Variants in GPC5 observed in about 807,000 individuals in gnomAD.
GPC5 encodes the protein glypican-5.
GPC5 carries 47 observed loss-of-function variants against 53.9 expected under a neutral mutation model. The observed-to-expected ratio is 0.87, with a 90% confidence interval of 0.69 to 1.11. The LOEUF is 1.11. GPC5 is among the 50% of genes most tolerant of loss of function. The pLI is 0.00. For synonymous variants in GPC5, 286 were observed against 263.3 expected, an observed-to-expected ratio of 1.09 and a Z score of -0.84; for missense variants, 748 against 713.1, an observed-to-expected ratio of 1.05 and a Z score of -0.56.
chr13:91,635,594 A>G (rs2034266557), intron 2 of GPC5, among the ~76,000 whole-genome samples: 1 of 152,046 alleles, frequency 6.6e-6, no homozygotes, highest in Admixed American at 6.6e-5. Context: ...TGTCTTTATT[A>G]TTATATTATG....
intron 2 of GPC5, among the ~76,000 whole-genome samples, chr13:91,649,701 T>C (rs919470189): frequency 6.6e-6 from 1 of 152,194 alleles, no homozygotes; most frequent in African/African-American, 2.4e-5. Context: ...TTTGTTTACC[T>C]GAGTTATAGC....
intron 5 of GPC5, among the ~76,000 whole-genome samples, chr13:91,794,764 G>C (rs1307364175): frequency 6.6e-6 from 1 of 152,202 alleles, no homozygotes; most frequent in East Asian, 1.9e-4. Flanking sequence ...CTCAAACAGT[G>C]CAGTGGGCTA....
At position 91,476,635 on chromosome 13, in the gene GPC5, C is replaced by T. The variant is rs536680314; in HGVS notation, c.325+27713C>T. Among the ~76,000 whole-genome samples the T allele has an allele frequency of 6.6e-5, 10 of 152,078 alleles. No homozygotes were observed. The East Asian group carries it at 1.4e-3, about 21-fold the overall frequency. ...GTAACAATTTGCAGACAATAAGGTC[C>T]GTAAAAGGTATGCTCAGGGAATTAT... is the stretch of plus-strand genomic sequence containing the variant. On this transcript the variant is annotated intron_variant, in intron 2 of 7. Coordinates refer to ENST00000377067, the MANE Select transcript of GPC5 (RefSeq NM_004466.6).
chr13:92,653,495 C>A (rs1256545659), intron 7 of GPC5, among the ~76,000 whole-genome samples: 1 of 152,042 alleles, frequency 6.6e-6, no homozygotes, highest in Non-Finnish European at 1.5e-5. Context: ...ATTTGTATTT[C>A]CTTTCTAACC....
chr13:92,203,137 TTTTCA>T (rs1213417305), intron 7 of GPC5, among the ~76,000 whole-genome samples: 1 of 152,130 alleles, frequency 6.6e-6, no homozygotes, highest in Non-Finnish European at 1.5e-5. Context: ...TTTTGCACAC[TTTTCA>T]TTTACTTTAA....
chr13:92,739,988 T>A (rs1889042592), intron 7 of GPC5, among the ~76,000 whole-genome samples: 1 of 151,994 alleles, frequency 6.6e-6, no homozygotes, highest in Admixed American at 6.6e-5. Flanking sequence ...ACCAGTGACT[T>A]CCATATTATT....
intron 7 of GPC5, among the ~76,000 whole-genome samples, chr13:92,653,433 A>T (rs1886023308): frequency 1.3e-5 from 2 of 152,196 alleles, no homozygotes; most frequent in Non-Finnish European, 2.9e-5. Flanking sequence ...GAAGATACGG[A>T]TGGGCTGCAG....
intron 7 of GPC5, among the ~76,000 whole-genome samples, chr13:92,223,438 A>G (rs2042463262): frequency 6.6e-6 from 1 of 152,200 alleles, no homozygotes; most frequent in Admixed American, 6.5e-5. Flanking sequence ...TTCTATCAGC[A>G]GAACAATTTA....
chr13:92,836,301 G>A (rs1878217815), intron 7 of GPC5, among the ~76,000 whole-genome samples: 1 of 151,872 alleles, frequency 6.6e-6, no homozygotes, highest in African/African-American at 2.4e-5. Context: ...TTTACATAAA[G>A]TTGTATTCCA....
intron 2 of GPC5, among the ~76,000 whole-genome samples, chr13:91,505,549 C>A (rs950095519): frequency 2.0e-5 from 3 of 152,180 alleles, no homozygotes; most frequent in African/African-American, 7.2e-5. Flanking sequence ...TCATGTCAGT[C>A]AAGATGTGGA....
intron 2 of GPC5, among the ~76,000 whole-genome samples, chr13:91,551,435 G>A (rs1332137885): frequency 6.6e-6 from 1 of 152,066 alleles, no homozygotes; most frequent in Non-Finnish European, 1.5e-5. Flanking sequence ...AAGTTTCATG[G>A]AGCTTCCATA....
intron 6 of GPC5, among the ~76,000 whole-genome samples, chr13:91,943,373 A>G (rs1171809852): frequency 2.0e-5 from 3 of 151,718 alleles, no homozygotes; most frequent in African/African-American, 2.4e-5. Context: ...CTGACCATCT[A>G]TGAATTTTCT....
At chr13:91,763,264 A>AT (rs1177355611) in intron 5 of GPC5, among the ~76,000 whole-genome samples, 1 of 152,016 alleles carries the variant, frequency 6.6e-6, no homozygotes, top group Non-Finnish European at 1.5e-5. Context: ...CTGGATGCTG[A>AT]TTTTTTCTCC....
At chr13:92,353,174 G>A (rs1250413177) in intron 7 of GPC5, among the ~76,000 whole-genome samples, 1 of 149,470 alleles carries the variant, frequency 6.7e-6, no homozygotes, top group African/African-American at 2.5e-5. Flanking sequence ...GCAGAAGAAT[G>A]GCGTGAACCC....
chr13:92,751,863 C>T (rs1889413141), intron 7 of GPC5, among the ~76,000 whole-genome samples: 1 of 152,184 alleles, frequency 6.6e-6, no homozygotes, highest in Admixed American at 6.5e-5. Context: ...TTTCCGTTTT[C>T]ACAACAGTGG....
intron 6 of GPC5, among the ~76,000 whole-genome samples, chr13:92,125,171 C>T (rs780471028): frequency 1.3e-5 from 2 of 152,110 alleles, no homozygotes; most frequent in Non-Finnish European, 2.9e-5. Flanking sequence ...CAACACCTGG[C>T]TTAAAACTAA....
At chr13:91,798,769 C>G (rs1357367501) in intron 5 of GPC5, among the ~76,000 whole-genome samples, 1 of 152,138 alleles carries the variant, frequency 6.6e-6, no homozygotes, top group Non-Finnish European at 1.5e-5. Flanking sequence ...ATTTCTGCCT[C>G]TAGATCTTTT....
intron 7 of GPC5, among the ~76,000 whole-genome samples, chr13:92,644,575 A>G (rs1188233840): frequency 6.6e-6 from 1 of 152,016 alleles, no homozygotes; most frequent in African/African-American, 2.4e-5. Context: ...ACAGCAATTG[A>G]CCCCAGTTGA....
chr13:91,496,031 T>A (rs13379020), intron 2 of GPC5, among the ~76,000 whole-genome samples: 7 of 132,604 alleles, frequency 5.3e-5, no homozygotes, highest in Admixed American at 1.4e-4. Context: ...TCAAAAAAAA[T>A]AAAAAATAAA....
Sources: gnomAD v4.1 joint callset for allele counts (sites outside exome capture counted in the v4.1 genomes callset) on GRCh38, gnomAD v4.1.1 for gene constraint, MANE v1.5 for transcripts, NCBI Gene and HGNC (gene_info 2026-07-23, HGNC 2026-07-21) for gene names.